The following ACTR3 variants were observed in gnomAD, a reference collection of about 807,000 sequenced individuals.
ACTR3 encodes the protein actin-related protein 3.
Under a neutral mutation model 56.8 loss-of-function variants are expected in ACTR3, and 12 were observed. The observed-to-expected ratio is 0.21, with a 90% confidence interval of 0.14 to 0.34. The LOEUF is 0.34. Ranked by LOEUF, ACTR3 falls within the 10% of genes least tolerant of loss-of-function variation. The probability of loss-of-function intolerance (pLI) is 1.00; values close to 1 mark genes in which losing one functional copy is unlikely to be tolerated. For synonymous variants in ACTR3, 162 were observed against 167.4 expected, an observed-to-expected ratio of 0.97 and a Z score of 0.25; for missense variants, 282 against 512.5, an observed-to-expected ratio of 0.55 and a Z score of 4.34.
chr2:113,955,737 T>C (rs1559494188), intron 11 of ACTR3, 31 bp downstream of exon 11: 2 of 1,519,778 alleles, frequency 1.3e-6, no homozygotes, highest in Non-Finnish European at 9.0e-7. Flanking sequence ...TTTTATTTTA[T>C]TTTATCATTA....
intron 2 of ACTR3, 90 bp from the exon 3 acceptor site, chr2:113,916,794 T>C: frequency 8.9e-7 from 1 of 1,125,678 alleles, no homozygotes; most frequent in Non-Finnish European, 1.2e-6. Flanking sequence ...TGTTTTACTT[T>C]GTAGTACTTT....
chr2:113,907,936 T>C (rs1004807933), intron 1 of ACTR3, among the ~76,000 whole-genome samples: 1 of 137,316 alleles, frequency 7.3e-6, no homozygotes, highest in African/African-American at 2.8e-5. Context: ...ATCTCGCCAT[T>C]GCACTCCAGC....
chr2:113,898,273 A>G (rs1466978246), intron 1 of ACTR3, among the ~76,000 whole-genome samples: 2 of 152,138 alleles, frequency 1.3e-5, no homozygotes, highest in African/African-American at 2.4e-5. Flanking sequence ...GCTTTAGTAA[A>G]TTAAGGGAAA....
At chr2:113,901,687 A>G (rs1679102830) in intron 1 of ACTR3, among the ~76,000 whole-genome samples, 1 of 152,156 alleles carries the variant, frequency 6.6e-6, no homozygotes, top group African/African-American at 2.4e-5. Context: ...CTGGGGTCTT[A>G]TATTTATTTT....
intron 1 of ACTR3, among the ~76,000 whole-genome samples, chr2:113,901,364 C>G (rs1679096704): frequency 6.6e-6 from 1 of 152,174 alleles, no homozygotes; most frequent in Non-Finnish European, 1.5e-5. Flanking sequence ...GTTTCAGCAA[C>G]AACAAAGTTT....
At chr2:113,918,231 G>T (rs1412385848) in intron 3 of ACTR3, among the ~76,000 whole-genome samples, 1 of 152,110 alleles carries the variant, frequency 6.6e-6, no homozygotes, top group Non-Finnish European at 1.5e-5. Flanking sequence ...CACTTAAAGT[G>T]CAAATATTGG....
At chr2:113,919,770 G>A (rs1679473827) in intron 3 of ACTR3, among the ~76,000 whole-genome samples, 1 of 151,450 alleles carries the variant, frequency 6.6e-6, no homozygotes, top group Non-Finnish European at 1.5e-5. Flanking sequence ...TTAAGACAAG[G>A]TCTCAACTTT....
At chr2:113,910,105 G>A (rs1345295159) in intron 1 of ACTR3, among the ~76,000 whole-genome samples, 1 of 152,144 alleles carries the variant, frequency 6.6e-6, no homozygotes, top group Non-Finnish European at 1.5e-5. Context: ...GATGGGGCTG[G>A]TCACTTGAAA....
chr2:113,959,312 C>G lies in ACTR3; in HGVS notation c.*1857C>G. 6.6e-6 allele frequency: 1 copy of G among 151,920 alleles called. No homozygotes were observed. Among genetic ancestry groups the G allele is most frequent in the East Asian group, 1.9e-4 (1 of 5,196 alleles). 9.4% of individuals were successfully genotyped at this position (151,920 alleles called of 1,614,324 possible). On this transcript the variant is annotated 3_prime_UTR_variant, in exon 12 of 12. Transcript: ENST00000263238. ...TCTGCACTTTGCTTTTATTAAAGATCTTTTGATAAAGAACTATATTGATAA... is the reference window on the plus strand; with the variant it reads ...TCTGCACTTTGCTTTTATTAAAGATGTTTTGATAAAGAACTATATTGATAA...
In ACTR3 at chr2:113,960,084, C is replaced by G. The variant is rs1373631968; in HGVS notation, c.*2629C>G. On this transcript the variant is annotated 3_prime_UTR_variant, in exon 12 of 12. Transcript: ENST00000263238. ...TTCTGACTGCAAAACCTAGCCTTTT[C>G]TATTGATTCATTAGTGGTAGTAAAG... The G allele has an allele frequency of 1.3e-5, 2 of 151,940 alleles. No homozygotes were observed. Among genetic ancestry groups the G allele is most frequent in the Admixed American group, 1.3e-4 (2 of 15,226 alleles). The allele number at this position is 151,940 out of a possible 1,614,324, so 9.4% of individuals were successfully genotyped here. A position where few individuals can be genotyped will look rare whatever the true frequency, so the allele number is the denominator to read the frequency against.
chr2:113,897,717 G>A (rs559837505), intron 1 of ACTR3, among the ~76,000 whole-genome samples: 42 of 151,746 alleles, frequency 2.8e-4, no homozygotes, highest in African/African-American at 9.2e-4. Context: ...AGTAGAGACC[G>A]GGTTTCACCA....
intron 1 of ACTR3, among the ~76,000 whole-genome samples, chr2:113,891,437 A>G (rs2104575184): frequency 6.6e-6 from 1 of 152,182 alleles, no homozygotes; most frequent in South Asian, 2.1e-4. Flanking sequence ...AGAGAGTTGT[A>G]CCACACTCAT....
At position 113,917,004 on chromosome 2, in the gene ACTR3, C is replaced by A; in HGVS notation, c.221C>A (p.Thr74Lys). 1 of 1,599,706 alleles carries A rather than the reference C, an allele frequency of 6.3e-7. No individual in the cohort carries two copies. Among genetic ancestry groups the A allele is most frequent in the Middle Eastern group, 1.7e-4 (1 of 5,984 alleles). The change falls in exon 3 of 12, where the codon ACA (threonine) becomes AAA (lysine). Residue 74 changes from threonine (T) to lysine (K), a missense_variant. Physicochemically the swap from Thr to Lys is moderately conservative, Grantham distance 78. Transcript: ENST00000263238. ...GCAATAGAAAAACCTACATATGCAA[C>A]AAAGGTATGTTTTTATGATTTGTAT... The part of the protein sequence containing the change: ...DEAIEKPTYA[T>K]KWPIRHGIVE...
At chr2:113,917,064 T>C in intron 3 of ACTR3, 56 bp downstream of exon 3, 1 of 1,462,666 alleles carries the variant, frequency 6.8e-7, no homozygotes, top group South Asian at 1.3e-5. Flanking sequence ...TGTTCGATGC[T>C]TGTGCCCTCT....
At chr2:113,922,668 C>T (rs572022914) in intron 3 of ACTR3, among the ~76,000 whole-genome samples, 2 of 152,180 alleles carry the variant, frequency 1.3e-5, no homozygotes, top group South Asian at 2.1e-4. Flanking sequence ...AATGCTTCTG[C>T]GGTATAATCA....
At chr2:113,912,694 A>G (rs900607105) in intron 1 of ACTR3, among the ~76,000 whole-genome samples, 1 of 152,142 alleles carries the variant, frequency 6.6e-6, no homozygotes, top group Non-Finnish European at 1.5e-5. Context: ...CATTAGTTTT[A>G]TACAGATATA....
chr2:113,890,804 A>G (rs1289056950), intron 1 of ACTR3: 10 of 998,628 alleles, frequency 1.0e-5, no homozygotes, highest in East Asian at 1.1e-4. Context: ...TCGCTGTGAC[A>G]ACATTCTGCC....
chr2:113,950,914 T>G (rs1457468328), intron 8 of ACTR3: 1 of 152,650 alleles, frequency 6.6e-6, no homozygotes, highest in Admixed American at 6.5e-5. Flanking sequence ...GCAAGTCCTG[T>G]CTTACATGAT....
At chr2:113,915,914 C>G (rs1303968086) in intron 2 of ACTR3, among the ~76,000 whole-genome samples, 1 of 152,152 alleles carries the variant, frequency 6.6e-6, no homozygotes, top group African/African-American at 2.4e-5. Flanking sequence ...TTGCCACTGT[C>G]TTTTACTAAT....
Sources: gnomAD v4.1 joint callset for allele counts (sites outside exome capture counted in the v4.1 genomes callset) on GRCh38, gnomAD v4.1.1 for gene constraint, MANE v1.5 for transcripts, NCBI Gene and HGNC (gene_info 2026-07-23, HGNC 2026-07-21) for gene names.